MPZL1: variants seen among roughly 807,000 people sequenced by gnomAD.
MPZL1 encodes the protein myelin protein zero-like protein 1.
A neutral mutation model predicts 29.3 loss-of-function variants in MPZL1; 16 were observed. The observed-to-expected ratio is 0.55, with a 90% CI of 0.37 to 0.83. The LOEUF (loss-of-function observed/expected upper bound fraction) is 0.83, where lower values mean the gene tolerates loss of function less well. MPZL1 is among the 40% of genes least tolerant of loss of function. The pLI is 0.00. For missense variants in MPZL1, 279 were observed against 332.9 expected (o/e 0.84, Z 1.26); for synonymous variants, 143 against 132.0 (o/e 1.08, Z -0.57).
intron 5 of MPZL1, among the ~76,000 whole-genome samples, chr1:167,783,771 A>G (rs536276185): frequency 4.6e-5 from 7 of 152,312 alleles, no homozygotes; most frequent in Middle Eastern, 3.4e-3. Flanking sequence ...TGCTTTGATA[A>G]TCAGTATTTG....
chr1:167,736,942 A>T (rs183501499), intron 1 of MPZL1, among the ~76,000 whole-genome samples: 1 of 152,214 alleles, frequency 6.6e-6, no homozygotes, highest in African/African-American at 2.4e-5. Context: ...ATTTTTTGCA[A>T]CATTTCTGCA....
intron 1 of MPZL1, among the ~76,000 whole-genome samples, chr1:167,725,275 C>A (rs1231292295): frequency 1.3e-5 from 2 of 152,080 alleles, no homozygotes; most frequent in Non-Finnish European, 2.9e-5. Context: ...GATAGCCTCC[C>A]AGCTGCTCTT....
chr1:167,724,516 GC>G (rs1660102168), intron 1 of MPZL1, among the ~76,000 whole-genome samples: 1 of 152,188 alleles, frequency 6.6e-6, no homozygotes, highest in South Asian at 2.1e-4. Context: ...ATGTTGATGC[GC>G]CACTTAGAAA....
intron 5 of MPZL1, among the ~76,000 whole-genome samples, chr1:167,786,039 C>T (rs55988143): frequency 0.051 from 7,722 of 152,230 alleles, 653 homozygotes; most frequent in African/African-American, 0.17. Flanking sequence ...ATGATCCGCC[C>T]GCCTCGGCCT....
intron 1 of MPZL1, among the ~76,000 whole-genome samples, chr1:167,734,090 A>G (rs1384037603): frequency 5.9e-5 from 9 of 151,800 alleles, no homozygotes; most frequent in Admixed American, 5.9e-4. Flanking sequence ...CCCCGTCTCT[A>G]CTAAAAATAC....
chr1:167,785,616 G>A (rs923866409), intron 5 of MPZL1, among the ~76,000 whole-genome samples: 1 of 152,178 alleles, frequency 6.6e-6, no homozygotes, highest in Admixed American at 6.5e-5. Context: ...GTCACACATT[G>A]TAAACCCCTT....
At chr1:167,786,367 TA>T (rs1661593385) in intron 5 of MPZL1, among the ~76,000 whole-genome samples, 1 of 152,222 alleles carries the variant, frequency 6.6e-6, no homozygotes, top group African/African-American at 2.4e-5. Context: ...AGACACTGCC[TA>T]AGTTATAGGT....
At chr1:167,752,108 A>G (rs1164773210) in intron 1 of MPZL1, among the ~76,000 whole-genome samples, 1 of 152,202 alleles carries the variant, frequency 6.6e-6, no homozygotes, top group Non-Finnish European at 1.5e-5. Flanking sequence ...TATTCCAGCC[A>G]AATTCATCTT....
In MPZL1 at chr1:167,722,003, T is replaced by G. The variant is rs1660036974; in HGVS notation, c.-149T>G. ...CGGTGCAGAGCTGGAGAGCCGCGGC[T>G]GGGACCGGAGTGGGGAGCGCGGCGT... On this transcript the variant is annotated 5_prime_UTR_variant, in exon 1 of 6. Coordinates refer to ENST00000359523, the MANE Select transcript of MPZL1 (RefSeq NM_003953.6). The G allele has an allele frequency of 6.1e-6, 7 of 1,141,468 alleles. No individual in the cohort carries two copies. The highest frequency in any genetic ancestry group is 6.6e-6 in the Non-Finnish European group (6 of 906,506). The allele number at this position is 1,141,468 out of a possible 1,614,324, so 70.7% of individuals were successfully genotyped here.
chr1:167,776,785 G>C (rs1197667489), intron 5 of MPZL1, among the ~76,000 whole-genome samples: 1 of 152,144 alleles, frequency 6.6e-6, no homozygotes, highest in African/African-American at 2.4e-5. Flanking sequence ...ACTGTGGCTT[G>C]GCAAAAATTC....
At chr1:167,743,852 A>G (rs536250563) in intron 1 of MPZL1, among the ~76,000 whole-genome samples, 21 of 152,148 alleles carry the variant, frequency 1.4e-4, no homozygotes, top group African/African-American at 5.1e-4. Context: ...TCATCAGCAA[A>G]CAACAACAGT....
intron 1 of MPZL1, among the ~76,000 whole-genome samples, chr1:167,749,113 T>G (rs1002070018): frequency 1.3e-5 from 2 of 152,216 alleles, no homozygotes; most frequent in Admixed American, 1.3e-4. Context: ...ATCCCAGTCC[T>G]TTGGGTAGAA....
chr1:167,767,856 T>G (rs953826894), intron 2 of MPZL1, among the ~76,000 whole-genome samples: 1 of 57,190 alleles, frequency 1.7e-5, no homozygotes, highest in African/African-American at 1.9e-4. Context: ...TTGTAATCAT[T>G]TTGTTTTGTT....
chr1:167,773,362 A>T lies in MPZL1; in HGVS notation c.599A>T (p.Tyr200Phe). The T allele has an allele frequency of 6.2e-7, 1 of 1,613,510 alleles. No homozygotes were observed. Residue 200 changes from tyrosine to phenylalanine, a missense_variant, in exon 4 of 6, where the codon TAC becomes TTC. By Grantham distance (22) the Tyr-to-Phe change is conservative (BLOSUM62 3). Transcript: ENST00000359523. ...LYRRKNSKRD[Y>F]TGCSTSESLS... ...AGAAGGAAAAACTCTAAACGGGATTACACTGGGTAAGAAACACTGTTTTTT... is the reference window on the plus strand; with the variant it reads ...AGAAGGAAAAACTCTAAACGGGATTTCACTGGGTAAGAAACACTGTTTTTT...
intron 2 of MPZL1, among the ~76,000 whole-genome samples, chr1:167,771,942 G>A (rs572164205): frequency 5.8e-4 from 88 of 152,260 alleles, no homozygotes; most frequent in Non-Finnish European, 1.1e-3. Flanking sequence ...CGGTCAACAC[G>A]GCAAAACCCC....
At chr1:167,758,657 A>T (rs1049477289) in intron 1 of MPZL1, among the ~76,000 whole-genome samples, 1 of 152,048 alleles carries the variant, frequency 6.6e-6, no homozygotes, top group African/African-American at 2.4e-5. Flanking sequence ...CTTTTTGATT[A>T]CTTGTCAAAT....
intron 1 of MPZL1, among the ~76,000 whole-genome samples, chr1:167,754,737 G>A (rs1660832461): frequency 6.6e-6 from 1 of 152,176 alleles, no homozygotes; most frequent in African/African-American, 2.4e-5. Flanking sequence ...TCATTTGTAT[G>A]CTGGGTAGTA....
chr1:167,786,523 CA>C (rs749900785), intron 5 of MPZL1, among the ~76,000 whole-genome samples: 7 of 152,240 alleles, frequency 4.6e-5, no homozygotes, highest in Non-Finnish European at 1.0e-4. Context: ...TAAGGTTCAA[CA>C]AAGACGATAT....
intron 4 of MPZL1, 64 bp downstream of exon 4, chr1:167,773,432 T>C (rs1392215674): frequency 6.7e-7 from 1 of 1,502,182 alleles, no homozygotes. Flanking sequence ...TAGAAACTTC[T>C]GTATTTAATG....
Sources: gnomAD v4.1 joint callset for allele counts (sites outside exome capture counted in the v4.1 genomes callset) on GRCh38, gnomAD v4.1.1 for gene constraint, MANE v1.5 for transcripts, NCBI Gene and HGNC (gene_info 2026-07-23, HGNC 2026-07-21) for gene names.